MAP4: variants seen among roughly 807,000 people sequenced by gnomAD.
MAP4 encodes microtubule-associated protein 4.
Under a neutral mutation model 170.2 loss-of-function variants are expected in MAP4, and 76 were observed. The observed-to-expected ratio is 0.45, with a 90% CI of 0.37 to 0.54. The LOEUF (loss-of-function observed/expected upper bound fraction) is 0.54, where lower values mean the gene tolerates loss of function less well. Among genes scored for constraint, MAP4 ranks in the 20% least tolerant of loss-of-function variants. The pLI is 0.00. For synonymous variants in MAP4, 909 were observed against 994.5 expected (o/e 0.91, Z 1.62); for missense variants, 2,506 against 2,748.0 (o/e 0.91, Z 1.97).
At position 47,911,468 on chromosome 3, in the gene MAP4, T is replaced by TAC. The variant is rs775975389; in HGVS notation, c.2951_2952dup (p.Asn985ValfsTer3). ...CTTTCATTATTCCCTTCTTTTAGAT[T>TAC]ACATTCTAATGGATTACTTGCTATC... On this transcript the variant is annotated frameshift_variant, in exon 9 of 21. Coordinates refer to ENST00000683076, the MANE Select transcript of MAP4 (RefSeq NM_001385682.1). LOFTEE classifies it high-confidence loss of function. This position sits in a 1 kb window ranked among gnomAD's most constrained non-coding sequence, Gnocchi z 4.0. 3 of 1,536,056 alleles carry TAC rather than the reference T, an allele frequency of 2.0e-6. No individual in the cohort carries two copies. In the South Asian group the frequency reaches 3.6e-5, roughly 18 times the overall value.
chr3:48,002,661 A>G (rs1376373541), intron 1 of MAP4, among the ~76,000 whole-genome samples: 1 of 152,180 alleles, frequency 6.6e-6, no homozygotes, highest in Non-Finnish European at 1.5e-5. Context: ...CAGCTGGATC[A>G]CTTGAGGCCA....
Position 47,912,258 on chromosome 3 carries a change from C to T in MAP4, c.2163G>A (p.Leu721=), listed in dbSNP as rs2100036315. Residue 721 remains leucine (L), a synonymous_variant, in exon 9 of 21, where the codon TTG becomes TTA. Coordinates refer to ENST00000683076, the MANE Select transcript of MAP4 (RefSeq NM_001385682.1). ...AACCAGAGACCCAACCTGACTCAGACAAAGAGCAGTGGCCCAGCCTGTGAT... is the reference window on the plus strand; with the variant it reads ...AACCAGAGACCCAACCTGACTCAGATAAAGAGCAGTGGCCCAGCCTGTGAT... ...TLDHRLGHCS[L]SESGWVSGSS... is the part of the protein sequence containing the mutation. 1.3e-6 allele frequency: 2 copies of T among 1,536,142 alleles called. No homozygotes were observed. The highest frequency in any genetic ancestry group is 1.7e-4 in the Middle Eastern group (1 of 5,990).
chr3:47,896,182 A>C (rs945213327), intron 10 of MAP4, among the ~76,000 whole-genome samples: 1 of 152,202 alleles, frequency 6.6e-6, no homozygotes, highest in Non-Finnish European at 1.5e-5. Flanking sequence ...GCATTTGACA[A>C]AGTAGTTAAA....
chr3:47,882,950 G>A (rs974830852), intron 10 of MAP4, among the ~76,000 whole-genome samples: 2 of 151,904 alleles, frequency 1.3e-5, no homozygotes, highest in African/African-American at 4.8e-5. Flanking sequence ...GGGATTACAC[G>A]TGTGCGCTAC....
intron 10 of MAP4, among the ~76,000 whole-genome samples, chr3:47,885,044 ATGG>A: frequency 6.6e-6 from 1 of 152,220 alleles, no homozygotes; most frequent in South Asian, 2.1e-4. Flanking sequence ...ACTGCTGGGG[ATGG>A]GTAGTGAAAC....
intron 16 of MAP4, 54 bp from the exon 17 acceptor site, chr3:47,867,392 C>A: frequency 6.6e-6 from 8 of 1,218,666 alleles, no homozygotes. Flanking sequence ...CTGGTTAGAA[C>A]CGACACAGGG....
intron 8 of MAP4, among the ~76,000 whole-genome samples, chr3:47,913,012 A>G (rs1156888700): frequency 6.6e-6 from 1 of 152,210 alleles, no homozygotes; most frequent in African/African-American, 2.4e-5. Flanking sequence ...TCAGAGAAAA[A>G]TTCTCATGAT....
intron 10 of MAP4, among the ~76,000 whole-genome samples, chr3:47,880,674 T>C (rs990581591): frequency 3.3e-5 from 5 of 152,054 alleles, no homozygotes; most frequent in African/African-American, 1.2e-4. Flanking sequence ...GGTCTTGCCA[T>C]GTGGCCCAAA....
intron 17 of MAP4, among the ~76,000 whole-genome samples, chr3:47,858,469 T>C (rs1576633930): frequency 1.3e-5 from 2 of 152,100 alleles, no homozygotes; most frequent in African/African-American, 2.4e-5. Flanking sequence ...CCATGAAATA[T>C]CCCCTTTATT....
chr3:47,942,602 G>A (rs764703595), intron 3 of MAP4, among the ~76,000 whole-genome samples: 9 of 151,970 alleles, frequency 5.9e-5, no homozygotes, highest in Non-Finnish European at 1.0e-4. Flanking sequence ...CTTTTTTCAT[G>A]CACACAGGGA....
At chr3:47,864,037 G>A (rs1203063566) in intron 17 of MAP4, among the ~76,000 whole-genome samples, 2 of 150,986 alleles carry the variant, frequency 1.3e-5, no homozygotes, top group African/African-American at 4.9e-5. Context: ...AAGTGTGGTG[G>A]TGCCATCACG....
chr3:48,001,459 T>A (rs752422315), intron 1 of MAP4, among the ~76,000 whole-genome samples: 1 of 152,220 alleles, frequency 6.6e-6, no homozygotes, highest in Non-Finnish European at 1.5e-5. Flanking sequence ...TAATTCCTCA[T>A]CAATAATTTT....
intron 10 of MAP4, among the ~76,000 whole-genome samples, chr3:47,879,038 G>A (rs1394995445): frequency 1.3e-5 from 2 of 152,094 alleles, no homozygotes; most frequent in African/African-American, 4.8e-5. Flanking sequence ...ATTTATCCTA[G>A]AAGTGTATTT....
intron 2 of MAP4, among the ~76,000 whole-genome samples, chr3:47,983,748 G>A (rs906517041): frequency 3.9e-5 from 6 of 152,056 alleles, no homozygotes; most frequent in Non-Finnish European, 7.4e-5. Context: ...CAAACTCCTG[G>A]GCTCAAGTGG....
At chr3:47,927,694 C>T (rs1176983117) in intron 4 of MAP4, among the ~76,000 whole-genome samples, 1 of 152,130 alleles carries the variant, frequency 6.6e-6, no homozygotes, top group Non-Finnish European at 1.5e-5. Context: ...AGGCTTGTCT[C>T]GAACTCTCGA....
In MAP4 at chr3:47,882,931, C is replaced by T. The variant is rs540254885; in HGVS notation, c.5435-5408G>A. Among the ~76,000 whole-genome samples, 10 of 152,072 alleles carry T rather than the reference C, an allele frequency of 6.6e-5. No homozygotes were observed. In the South Asian group the frequency reaches 1.9e-3, roughly 29 times the overall value. Reference sequence around the variant, plus strand: ...AAGTGATTCTCATGCCTCAGCCAACCGAGCAGCTGGGATTACACGTGTGCG... The same window carrying T: ...AAGTGATTCTCATGCCTCAGCCAACTGAGCAGCTGGGATTACACGTGTGCG... On this transcript the variant is annotated intron_variant, in intron 10 of 20. Transcript: ENST00000683076.
Position 47,870,892 on chromosome 3 carries a change from G to T in MAP4, c.6215C>A (p.Thr2072Asn). Residue 2072 changes from threonine to asparagine, a missense_variant, in exon 15 of 21, where the codon ACT (threonine) becomes AAT (asparagine). Thr to Asn is a moderately conservative substitution (Grantham distance 65). Coordinates refer to ENST00000683076, the MANE Select transcript of MAP4 (RefSeq NM_001385682.1). ...TPRLSRLATN[T>N]SAPDLKNVRS... ...GACATTCTTCAGATCAGGAGCAGAA[G>T]TATTGGTGGCCAGGCGGCTGAGCCG... is the stretch of plus-strand genomic sequence containing the variant. 1 of 1,613,688 alleles carries T rather than the reference G, an allele frequency of 6.2e-7. No homozygotes were observed. Among genetic ancestry groups the T allele is most frequent in the Non-Finnish European group, 8.5e-7 (1 of 1,179,818 alleles).
At chr3:47,896,163 A>G (rs1225067485) in intron 10 of MAP4, among the ~76,000 whole-genome samples, 3 of 152,256 alleles carry the variant, frequency 2.0e-5, no homozygotes, top group African/African-American at 4.8e-5. Flanking sequence ...GAGGGAATAT[A>G]TATAAAAAGC....
intron 10 of MAP4, chr3:47,892,054 C>G: frequency 6.5e-7 from 1 of 1,536,208 alleles, no homozygotes; most frequent in East Asian, 2.4e-5. Flanking sequence ...CCACCTTCCC[C>G]TGAACTGGAA....
Sources: gnomAD v4.1 joint callset for allele counts (sites outside exome capture counted in the v4.1 genomes callset) on GRCh38, gnomAD v4.1.1 for gene constraint, Gnocchi (gnomAD v3.1) non-coding constraint, MANE v1.5 for transcripts, NCBI Gene and HGNC (gene_info 2026-07-23, HGNC 2026-07-21) for gene names.